NALF1: variants seen among roughly 807,000 people sequenced by gnomAD.
The protein encoded by NALF1 is NALCN channel auxiliary factor 1, also known as family with sequence similarity 155 member A.
NALF1 carries 3 observed loss-of-function variants against 48.4 expected under a neutral mutation model. That is an observed-to-expected ratio of 0.06 (90% CI 0.03 to 0.16). The LOEUF is 0.16. NALF1 is among the 10% of genes least tolerant of loss of function. The pLI is 1.00. For missense variants in NALF1, 526 were observed against 571.5 expected (o/e 0.92, Z 0.81); for synonymous variants, 262 against 245.7 (o/e 1.07, Z -0.62).
At chr13:107,706,443 C>T (rs1205119478) in intron 1 of NALF1, among the ~76,000 whole-genome samples, 1 of 152,196 alleles carries the variant, frequency 6.6e-6, no homozygotes, top group Non-Finnish European at 1.5e-5. Context: ...TTCTCACATG[C>T]ATTCTTTTTA....
chr13:107,343,222 GA>G (rs1882714049), intron 1 of NALF1, among the ~76,000 whole-genome samples: 1 of 152,068 alleles, frequency 6.6e-6, no homozygotes, highest in Non-Finnish European at 1.5e-5. Flanking sequence ...AATAGCAGTG[GA>G]AAAATGGAAA....
chr13:107,491,037 C>T (rs141981532), intron 1 of NALF1, among the ~76,000 whole-genome samples: 2,110 of 152,212 alleles, frequency 0.014, 180 homozygotes, highest in Admixed American at 0.12. Context: ...CTGATGAACT[C>T]CTTATAAGTC....
intron 1 of NALF1, among the ~76,000 whole-genome samples, chr13:107,304,214 T>C (rs1881893934): frequency 6.6e-6 from 1 of 152,228 alleles, no homozygotes; most frequent in East Asian, 1.9e-4. Flanking sequence ...GTGCTCTGAC[T>C]GTCACAACTG....
intron 1 of NALF1, among the ~76,000 whole-genome samples, chr13:107,262,650 C>T: frequency 6.6e-6 from 1 of 152,100 alleles, no homozygotes; most frequent in East Asian, 1.9e-4. Context: ...AGAATAAGCA[C>T]TGTTAATACA....
At chr13:107,716,700 A>AGT (rs1875832178) in intron 1 of NALF1, among the ~76,000 whole-genome samples, 1 of 152,194 alleles carries the variant, frequency 6.6e-6, no homozygotes, top group Non-Finnish European at 1.5e-5. Context: ...CATTACATGA[A>AGT]GTGTCTTTAA....
At chr13:107,426,655 A>G (rs1884285887) in intron 1 of NALF1, among the ~76,000 whole-genome samples, 1 of 152,188 alleles carries the variant, frequency 6.6e-6, no homozygotes, top group African/African-American at 2.4e-5. Context: ...GCCTCCATAA[A>G]TTGCTTGTAT....
intron 1 of NALF1, among the ~76,000 whole-genome samples, chr13:107,801,927 A>C (rs1454080082): frequency 6.6e-6 from 1 of 152,126 alleles, no homozygotes; most frequent in African/African-American, 2.4e-5. Flanking sequence ...TCACGGTCTA[A>C]ATTCTATGAC....
chr13:107,447,210 TTCCCTTC>T (rs1884665059), intron 1 of NALF1, among the ~76,000 whole-genome samples: 1 of 152,050 alleles, frequency 6.6e-6, no homozygotes, highest in African/African-American at 2.4e-5. Context: ...TCTCCTTCTT[TTCCCTTC>T]TCCCTTCTTC....
chr13:107,779,380 T>C (rs1037333468), intron 1 of NALF1, among the ~76,000 whole-genome samples: 1 of 152,226 alleles, frequency 6.6e-6, no homozygotes, highest in Non-Finnish European at 1.5e-5. Flanking sequence ...TCTTTCCATA[T>C]GTCCTTTAAG....
chr13:107,221,315 T>C lies in NALF1; in HGVS notation c.916-10560A>G, dbSNP rs1035025309. On this transcript the variant is annotated intron_variant, in intron 1 of 2. Coordinates refer to ENST00000375915, the MANE Select transcript of NALF1 (RefSeq NM_001080396.3). The stretch of plus-strand genomic sequence containing the variant: ...ATTCAAGGCCAGGCATGGTGGCTCA[T>C]GCCTGTAAGCCTAGTACTTTGGGAG... Among the ~76,000 whole-genome samples, 28 of 152,314 alleles carry C rather than the reference T, an allele frequency of 1.8e-4. 1 individual carries two copies. The highest frequency in any genetic ancestry group is 6.8e-3 in the Middle Eastern group (2 of 294).
chr13:107,295,542 C>A (rs1881709078), intron 1 of NALF1, among the ~76,000 whole-genome samples: 2 of 152,304 alleles, frequency 1.3e-5, no homozygotes, highest in South Asian at 4.1e-4. Context: ...ACATCCACTG[C>A]CTTCTTCACA....
At chr13:107,220,405 A>G (rs1453768079) in intron 1 of NALF1, among the ~76,000 whole-genome samples, 2 of 152,224 alleles carry the variant, frequency 1.3e-5, no homozygotes, top group African/African-American at 4.8e-5. Context: ...CATTACTGTC[A>G]GAAAAATGCC....
intron 1 of NALF1, among the ~76,000 whole-genome samples, chr13:107,587,214 A>C (rs1878485139): frequency 6.6e-6 from 1 of 152,092 alleles, no homozygotes; most frequent in African/African-American, 2.4e-5. Flanking sequence ...CAGACCTCTC[A>C]CAAGGCTTAT....
intron 1 of NALF1, among the ~76,000 whole-genome samples, chr13:107,802,347 T>C (rs1338203092): frequency 6.6e-6 from 1 of 152,170 alleles, no homozygotes; most frequent in South Asian, 2.1e-4. Context: ...TTTGGGATAG[T>C]TTTATTTTTC....
chr13:107,437,513 T>C (rs1884482487), intron 1 of NALF1, among the ~76,000 whole-genome samples: 1 of 152,200 alleles, frequency 6.6e-6, no homozygotes, highest in Non-Finnish European at 1.5e-5. Context: ...AACAGCACAC[T>C]GGCTGAACAA....
At chr13:107,530,553 A>G (rs1195406012) in intron 1 of NALF1, among the ~76,000 whole-genome samples, 1 of 152,102 alleles carries the variant, frequency 6.6e-6, no homozygotes, top group Non-Finnish European at 1.5e-5. Context: ...ACCTGTGATC[A>G]TTTTAGTATA....
At chr13:107,795,433 A>G (rs1017550992) in intron 1 of NALF1, among the ~76,000 whole-genome samples, 4 of 152,126 alleles carry the variant, frequency 2.6e-5, no homozygotes, top group African/African-American at 9.7e-5. Flanking sequence ...TCATTAAACA[A>G]ATCAGTCCAT....
chr13:107,300,338 C>T (rs1881814112), intron 1 of NALF1, among the ~76,000 whole-genome samples: 1 of 152,182 alleles, frequency 6.6e-6, no homozygotes, highest in African/African-American at 2.4e-5. Context: ...CCAGGATAAA[C>T]ACACGATATG....
intron 1 of NALF1, among the ~76,000 whole-genome samples, chr13:107,630,432 C>A (rs907711325): frequency 1.3e-5 from 2 of 152,086 alleles, no homozygotes; most frequent in Non-Finnish European, 2.9e-5. Flanking sequence ...TATCACCCCC[C>A]GTCCAGCAAA....
Sources: allele counts gnomAD v4.1 joint callset (sites outside exome capture counted in the v4.1 genomes callset), GRCh38; gene constraint gnomAD v4.1.1; transcripts MANE v1.5; gene names NCBI Gene and HGNC (gene_info 2026-07-23, HGNC 2026-07-21).